The following NTM variants were observed in gnomAD, a reference collection of about 807,000 sequenced individuals.
NTM encodes IgLON family member 2.
A neutral mutation model predicts 42.1 loss-of-function variants in NTM; 13 were observed. The observed-to-expected ratio is 0.31, with a 90% CI of 0.20 to 0.49. NTM has a LOEUF of 0.49. Among genes scored for constraint, NTM ranks in the 20% least tolerant of loss-of-function variants. NTM has a pLI of 0.99. For missense variants in NTM, 373 were observed against 452.8 expected, an observed-to-expected ratio of 0.82 and a Z score of 1.60; for synonymous variants, 187 against 179.2, an observed-to-expected ratio of 1.04 and a Z score of -0.35.
At chr11:131,954,687 G>A (rs2061380238) in intron 2 of NTM, among the ~76,000 whole-genome samples, 1 of 152,112 alleles carries the variant, frequency 6.6e-6, no homozygotes, top group African/African-American at 2.4e-5. Context: ...GCAGTGATAA[G>A]CAAAAGCAAA....
At chr11:131,436,642 T>C (rs1031486695) in intron 1 of NTM, among the ~76,000 whole-genome samples, 8 of 152,184 alleles carry the variant, frequency 5.3e-5, no homozygotes, top group African/African-American at 1.4e-4. Context: ...CCATTTATCA[T>C]TTTTTATTGC....
At chr11:132,091,930 A>C (rs768788388) in intron 2 of NTM, among the ~76,000 whole-genome samples, 1 of 152,222 alleles carries the variant, frequency 6.6e-6, no homozygotes, top group Non-Finnish European at 1.5e-5. Flanking sequence ...TAAATTAATG[A>C]ATGAAGAAAA....
At chr11:131,794,890 C>G (rs1404960850) in intron 1 of NTM, 58 of 985,164 alleles carry the variant, frequency 5.9e-5, no homozygotes, top group Non-Finnish European at 6.6e-5. Context: ...TGATGGCCAC[C>G]CTTGTCACTG....
At chr11:131,530,769 C>G (rs2051151921) in intron 1 of NTM, among the ~76,000 whole-genome samples, 2 of 152,178 alleles carry the variant, frequency 1.3e-5, no homozygotes, top group South Asian at 4.1e-4. Flanking sequence ...AACTCCCTCC[C>G]CTCCTAAATG....
intron 2 of NTM, among the ~76,000 whole-genome samples, chr11:131,918,727 G>A (rs542526681): frequency 9.2e-5 from 14 of 152,186 alleles, no homozygotes; most frequent in South Asian, 8.3e-4. Flanking sequence ...CCTCCTTGTC[G>A]TGGTGCACAG....
At chr11:132,295,747 G>A (rs1242907089) in intron 4 of NTM, among the ~76,000 whole-genome samples, 1 of 152,220 alleles carries the variant, frequency 6.6e-6, no homozygotes, top group Non-Finnish European at 1.5e-5. Flanking sequence ...GTAGGCAAGA[G>A]CCAGCTCATG....
At chr11:131,510,483 C>G (rs1050888652) in intron 1 of NTM, among the ~76,000 whole-genome samples, 5 of 152,168 alleles carry the variant, frequency 3.3e-5, no homozygotes, top group Admixed American at 6.5e-5. Context: ...TGGAGCCAGA[C>G]AGATTTCAGT....
chr11:132,224,796 A>G (rs1287125839), intron 4 of NTM, among the ~76,000 whole-genome samples: 2 of 152,220 alleles, frequency 1.3e-5, no homozygotes, highest in Non-Finnish European at 2.9e-5. Context: ...CCAAACTGCC[A>G]GAACCTGATG....
chr11:131,540,588 A>G (rs562800198), intron 1 of NTM: 1 of 152,334 alleles, frequency 6.6e-6, no homozygotes, highest in Admixed American at 6.5e-5. Context: ...GTCAATTGGC[A>G]TGGCTGAATA....
intron 3 of NTM, among the ~76,000 whole-genome samples, chr11:132,193,009 C>T (rs774946660): frequency 6.6e-6 from 1 of 152,038 alleles, no homozygotes; most frequent in Non-Finnish European, 1.5e-5. Flanking sequence ...AAAACAACTT[C>T]TTAGAGATCT....
chr11:131,481,991 G>A lies in NTM; in HGVS notation c.82+111103G>A, dbSNP rs556163095. 1.1e-4 allele frequency among the ~76,000 whole-genome samples: 17 copies of A among 152,166 alleles called. No individual in the cohort carries two copies. In the South Asian group the frequency reaches 1.9e-3, roughly 17 times the overall value. On this transcript the variant is annotated intron_variant, in intron 1 of 8. Transcript: ENST00000683400. ...CAGGTTGATAATTAAGATAGATGCC[G>A]CTAACATTTCTTAAACCATGCTGCA...
intron 1 of NTM, among the ~76,000 whole-genome samples, chr11:131,879,739 A>T (rs1013522200): frequency 4.7e-5 from 3 of 63,982 alleles, no homozygotes; most frequent in African/African-American, 2.7e-4. Context: ...TTGTGGATAA[A>T]CTTCCAAAAA....
At chr11:131,861,612 G>T (rs1026823142) in intron 1 of NTM, among the ~76,000 whole-genome samples, 1 of 152,096 alleles carries the variant, frequency 6.6e-6, no homozygotes, top group Non-Finnish European at 1.5e-5. Context: ...TTGCTGTAAA[G>T]GTCAATTAAA....
chr11:131,641,591 A>T (rs148092072), intron 1 of NTM, among the ~76,000 whole-genome samples: 1,729 of 152,208 alleles, frequency 0.011, 17 homozygotes, highest in Middle Eastern at 0.027. Context: ...GCCATTTCCA[A>T]GGGGGGGAAG....
At chr11:132,096,081 C>T (rs2060943409) in intron 2 of NTM, among the ~76,000 whole-genome samples, 2 of 152,336 alleles carry the variant, frequency 1.3e-5, no homozygotes, top group South Asian at 2.1e-4. Context: ...AGTCAAGCCT[C>T]AGTGACAGAT....
chr11:131,828,189 A>T (rs1485285384), intron 1 of NTM, among the ~76,000 whole-genome samples: 1 of 152,172 alleles, frequency 6.6e-6, no homozygotes, highest in African/African-American at 2.4e-5. Context: ...GAATCAGGCA[A>T]AGCACTTATC....
intron 2 of NTM, among the ~76,000 whole-genome samples, chr11:131,965,209 C>T (rs2062680164): frequency 6.6e-6 from 1 of 152,086 alleles, no homozygotes; most frequent in Non-Finnish European, 1.5e-5. Context: ...GGAACATATA[C>T]AGAAGCCAAG....
chr11:132,050,901 G>C (rs148669381), intron 2 of NTM, among the ~76,000 whole-genome samples: 45 of 152,302 alleles, frequency 3.0e-4, no homozygotes, highest in African/African-American at 1.0e-3. Context: ...GCCTTGTCTG[G>C]TTCTTCTTCT....
intron 7 of NTM, among the ~76,000 whole-genome samples, chr11:132,320,837 G>A (rs1417108657): frequency 6.6e-6 from 1 of 151,184 alleles, no homozygotes; most frequent in Non-Finnish European, 1.5e-5. Flanking sequence ...CTGAGAACGG[G>A]CAGACTGCCT....
Sources: allele counts gnomAD v4.1 joint callset (sites outside exome capture counted in the v4.1 genomes callset), GRCh38; gene constraint gnomAD v4.1.1; transcripts MANE v1.5; gene names NCBI Gene and HGNC (gene_info 2026-07-23, HGNC 2026-07-21).